LRRC4C: variants seen among roughly 807,000 people sequenced by gnomAD.
The protein encoded by LRRC4C is leucine rich repeat containing 4C, also known as leucine-rich repeat-containing protein 4C.
In LRRC4C, 5 loss-of-function variants were observed where a neutral mutation model predicts 33.6. The ratio of observed to expected loss-of-function variants is 0.15; its 90% CI spans 0.08 to 0.31. The LOEUF is 0.31. Ranked by LOEUF, LRRC4C falls within the 10% of genes least tolerant of loss-of-function variation. LRRC4C has a pLI of 1.00. For synonymous variants in LRRC4C, 329 were observed against 302.0 expected (o/e 1.09, Z -0.93); for missense variants, 560 against 796.7 (o/e 0.70, Z 3.58).
At chr11:40,651,682 G>T (rs1301539385) in intron 2 of LRRC4C, among the ~76,000 whole-genome samples, 2 of 152,152 alleles carry the variant, frequency 1.3e-5, no homozygotes, top group African/African-American at 2.4e-5. Flanking sequence ...TTCCATGGAA[G>T]AAATCTACAG....
At chr11:40,309,505 G>A (rs1012075334) in intron 4 of LRRC4C, among the ~76,000 whole-genome samples, 1 of 140,820 alleles carries the variant, frequency 7.1e-6, no homozygotes, top group Admixed American at 7.5e-5. Context: ...GAAGAAAGGA[G>A]CAGAAGTGTA....
intron 2 of LRRC4C, among the ~76,000 whole-genome samples, chr11:40,929,724 C>T (rs1957538026): frequency 6.6e-6 from 1 of 152,114 alleles, no homozygotes; most frequent in African/African-American, 2.4e-5. Flanking sequence ...ACGCCATTCT[C>T]CTGCCTCAGC....
chr11:41,178,812 T>C (rs1255424127), intron 1 of LRRC4C, among the ~76,000 whole-genome samples: 1 of 152,034 alleles, frequency 6.6e-6, no homozygotes, highest in Non-Finnish European at 1.5e-5. Flanking sequence ...CAAGCAATTC[T>C]CTGCCTCAGC....
intron 2 of LRRC4C, among the ~76,000 whole-genome samples, chr11:40,844,085 T>A (rs1953040740): frequency 6.6e-6 from 1 of 152,072 alleles, no homozygotes; most frequent in Admixed American, 6.6e-5. Context: ...ACAAACAGAT[T>A]AAAATGGCCC....
chr11:41,059,431 C>A (rs1226429123), intron 1 of LRRC4C, among the ~76,000 whole-genome samples: 1 of 151,772 alleles, frequency 6.6e-6, no homozygotes, highest in African/African-American at 2.4e-5. Flanking sequence ...GCTGATAGAT[C>A]AAAATTTTAG....
At chr11:40,810,919 T>C (rs774073608) in intron 2 of LRRC4C, among the ~76,000 whole-genome samples, 31 of 152,300 alleles carry the variant, frequency 2.0e-4, no homozygotes, top group South Asian at 6.2e-4. Context: ...TAACATTTTC[T>C]TGCTTTAAGT....
chr11:41,139,093 G>A (rs1177117222), intron 1 of LRRC4C, among the ~76,000 whole-genome samples: 1 of 152,002 alleles, frequency 6.6e-6, no homozygotes, highest in Non-Finnish European at 1.5e-5. Flanking sequence ...AGCAGATATG[G>A]TTAAAAGCCA....
chr11:40,756,398 T>C (rs1948948355), intron 2 of LRRC4C, among the ~76,000 whole-genome samples: 1 of 152,146 alleles, frequency 6.6e-6, no homozygotes, highest in African/African-American at 2.4e-5. Flanking sequence ...ACCTTGTGTT[T>C]AATTGCATTT....
intron 1 of LRRC4C, among the ~76,000 whole-genome samples, chr11:41,239,403 G>T (rs901314780): frequency 6.7e-6 from 1 of 150,342 alleles, no homozygotes; most frequent in African/African-American, 2.4e-5. Context: ...ACTATTAATG[G>T]TCTACAAGGA....
At chr11:40,206,436 T>G (rs1863160557) in intron 5 of LRRC4C, among the ~76,000 whole-genome samples, 1 of 152,000 alleles carries the variant, frequency 6.6e-6, no homozygotes, top group Non-Finnish European at 1.5e-5. Context: ...GAGACAGGGT[T>G]TCACCGTGAT....
intron 3 of LRRC4C, among the ~76,000 whole-genome samples, chr11:40,601,591 C>T (rs556691896): frequency 6.6e-6 from 1 of 152,138 alleles, no homozygotes; most frequent in Non-Finnish European, 1.5e-5. Context: ...AGTTGCACAT[C>T]TAATTATTTT....
At chr11:40,734,245 T>TA (rs1329466223) in intron 2 of LRRC4C, among the ~76,000 whole-genome samples, 2 of 152,170 alleles carry the variant, frequency 1.3e-5, no homozygotes, top group African/African-American at 4.8e-5. Flanking sequence ...CTACAATTAT[T>TA]AAACCCCCTG....
At chr11:41,234,450 G>A (rs1375373248) in intron 1 of LRRC4C, among the ~76,000 whole-genome samples, 1 of 151,830 alleles carries the variant, frequency 6.6e-6, no homozygotes, top group Non-Finnish European at 1.5e-5. Flanking sequence ...TCATTATGTT[G>A]TACAATAGAT....
chr11:40,671,166 C>T (rs779125720), intron 2 of LRRC4C, among the ~76,000 whole-genome samples: 4 of 152,136 alleles, frequency 2.6e-5, no homozygotes, highest in Non-Finnish European at 2.9e-5. Flanking sequence ...AACTACATCG[C>T]TATTTATATC....
intron 1 of LRRC4C, among the ~76,000 whole-genome samples, chr11:40,973,202 C>A (rs1009112909): frequency 6.6e-6 from 1 of 152,004 alleles, no homozygotes; most frequent in Non-Finnish European, 1.5e-5. Context: ...TTGAGTAATT[C>A]TTTATTGCAG....
In LRRC4C at chr11:41,425,358, G is replaced by T. The variant is rs576168485; in HGVS notation, c.-496+34073C>A. Among the ~76,000 whole-genome samples the T allele has an allele frequency of 1.9e-4, 29 of 152,066 alleles. 1 individual carries two copies. The South Asian group carries it at 5.6e-3, about 29-fold the overall frequency. On this transcript the variant is annotated intron_variant, in intron 1 of 6. Transcript: ENST00000528697. The stretch of plus-strand genomic sequence containing the variant: ...CCAGTTGCTACCTGGGCCTCTCTTT[G>T]GTACTTACTTGATTTTCTGGTAAGG...
At chr11:41,043,832 T>C (rs957004622) in intron 1 of LRRC4C, among the ~76,000 whole-genome samples, 13 of 152,074 alleles carry the variant, frequency 8.5e-5, no homozygotes, top group Non-Finnish European at 1.3e-4. Context: ...TTAATAGCCA[T>C]AGTTAAGTGT....
intron 2 of LRRC4C, among the ~76,000 whole-genome samples, chr11:40,883,832 A>T (rs755800264): frequency 2.6e-5 from 4 of 152,034 alleles, no homozygotes; most frequent in Non-Finnish European, 5.9e-5. Context: ...ACGGATTTAA[A>T]AAACTTACAA....
intron 3 of LRRC4C, among the ~76,000 whole-genome samples, chr11:40,581,766 G>C (rs1958477186): frequency 6.6e-6 from 1 of 152,106 alleles, no homozygotes; most frequent in Non-Finnish European, 1.5e-5. Context: ...AGCTGGGCAT[G>C]GTGGCACCCA....
Sources: gnomAD v4.1 joint callset for allele counts (sites outside exome capture counted in the v4.1 genomes callset) on GRCh38, gnomAD v4.1.1 for gene constraint, MANE v1.5 for transcripts, NCBI Gene and HGNC (gene_info 2026-07-23, HGNC 2026-07-21) for gene names.